The following KIF3A variants were observed in gnomAD, a reference collection of about 807,000 sequenced individuals.
KIF3A encodes the protein kinesin family member 3A.
Under a neutral mutation model 92.6 loss-of-function variants are expected in KIF3A, and 27 were observed. The ratio of observed to expected loss-of-function variants is 0.29; its 90% CI spans 0.21 to 0.40. KIF3A has a LOEUF of 0.40. Ranked by LOEUF, KIF3A falls within the 10% of genes least tolerant of loss-of-function variation. The probability of loss-of-function intolerance (pLI) is 1.00; values close to 1 mark genes in which losing one functional copy is unlikely to be tolerated. For synonymous variants in KIF3A, 250 were observed against 275.4 expected (o/e 0.91, Z 0.92); for missense variants, 581 against 872.6 (o/e 0.67, Z 4.21).
chr5:132,702,491 T>G (rs1435985558), intron 14 of KIF3A, 67 bp downstream of exon 14: 2 of 889,528 alleles, frequency 2.2e-6, no homozygotes, highest in Non-Finnish European at 3.5e-6. Flanking sequence ...TTATAAATTC[T>G]TAATCAAAGA....
downstream of KIF3A, chr5:132,689,460 T>A (rs1203532120): frequency 2.0e-5 from 3 of 152,172 alleles, no homozygotes; most frequent in Non-Finnish European, 4.4e-5. Flanking sequence ...AATAAGACTA[T>A]AAGCAGGTCA....
At chr5:132,690,251 T>C (rs1163081033), downstream of KIF3A, among the ~76,000 whole-genome samples, 1 of 151,692 alleles carries the variant, frequency 6.6e-6, no homozygotes, top group Non-Finnish European at 1.5e-5. Flanking sequence ...ATTATCCAGG[T>C]GTGAGGGCAT....
Position 132,708,946 on chromosome 5 carries a change from A to ATG in KIF3A, c.1259_1260dup (p.Cys421HisfsTer5). The ATG allele has an allele frequency of 6.4e-7, 1 of 1,550,392 alleles. No homozygotes were observed. The highest frequency in any genetic ancestry group is 8.7e-7 in the Non-Finnish European group (1 of 1,146,848). ...TCCAGAGGTTTCTCTATGACAGAAC[A>ATG]TGTGGAGTCTGAACTACTGCTGCTG... On this transcript the variant is annotated frameshift_variant, in exon 10 of 19. Transcript: ENST00000403231. LOFTEE classifies it high-confidence loss of function.
chr5:132,724,848 T>TAC (rs1753982595), intron 4 of KIF3A, among the ~76,000 whole-genome samples: 1 of 26,062 alleles, frequency 3.8e-5, no homozygotes, highest in Admixed American at 4.1e-4. Context: ...TATATATATA[T>TAC]ATATATATTA....
At chr5:132,692,493 C>T (rs149325977), downstream of KIF3A, 5 of 152,356 alleles carry the variant, frequency 3.3e-5, no homozygotes, top group Admixed American at 6.5e-5. Flanking sequence ...CAACATTAAG[C>T]GTTTCTGGGT....
rs1752737820 is a variant in KIF3A, at chr5:132,693,716, T to A, written c.*2918A>T. On this transcript the variant is annotated 3_prime_UTR_variant, in exon 19 of 19. Transcript: ENST00000403231. ...CAGGCTTGAGGCCAGGCGTGGTGGC[T>A]CACACCTGTAATCCCAGCACTTTGG... 1 of 152,514 alleles carries A rather than the reference T, an allele frequency of 6.6e-6. No individual in the cohort carries two copies. Among genetic ancestry groups the A allele is most frequent in the Non-Finnish European group, 1.5e-5 (1 of 68,082 alleles). 9.4% of individuals were successfully genotyped at this position (152,514 alleles called of 1,614,324 possible).
Position 132,694,802 on chromosome 5 carries a change from G to C in KIF3A, c.*1832C>G, listed in dbSNP as rs572415742. ...TCTAAACAATGCCCCACAGAGTTAA[G>C]TAATAAATTTCTAGCTATCTTACAT... On this transcript the variant is annotated 3_prime_UTR_variant, in exon 19 of 19. Coordinates refer to ENST00000403231, the MANE Select transcript of KIF3A (RefSeq NM_001300791.2). 1.0e-4 allele frequency: 16 copies of C among 152,412 alleles called. No individual in the cohort carries two copies. The highest frequency in any genetic ancestry group is 3.9e-4 in the African/African-American group (16 of 41,558). The allele number at this position is 152,412 out of a possible 1,614,324, so 9.4% of individuals were successfully genotyped here.
intron 8 of KIF3A, among the ~76,000 whole-genome samples, chr5:132,714,124 T>C (rs1753530213): frequency 6.6e-6 from 1 of 152,072 alleles, no homozygotes; most frequent in African/African-American, 2.4e-5. Flanking sequence ...CTCGAACTCC[T>C]GACCTCAACT....
At chr5:132,733,532 G>T (rs1316795243) in intron 2 of KIF3A, among the ~76,000 whole-genome samples, 2 of 152,212 alleles carry the variant, frequency 1.3e-5, no homozygotes, top group Non-Finnish European at 2.9e-5. Context: ...GCTTTGAAAG[G>T]CCTCAGTAGG....
At chr5:132,735,894 A>G (rs552920808) in intron 1 of KIF3A, among the ~76,000 whole-genome samples, 1 of 152,226 alleles carries the variant, frequency 6.6e-6, no homozygotes, top group Non-Finnish European at 1.5e-5. Flanking sequence ...TGGCTCATCC[A>G]TGCCACAGCC....
chr5:132,707,374 C>T (rs1223679867), intron 10 of KIF3A, among the ~76,000 whole-genome samples: 4 of 152,112 alleles, frequency 2.6e-5, no homozygotes, highest in African/African-American at 9.7e-5. Context: ...TTCACCAACA[C>T]GCCCACATTA....
intron 12 of KIF3A, 138 bp downstream of exon 12, chr5:132,703,325 T>C (rs2149895758): frequency 1.4e-6 from 1 of 728,036 alleles, no homozygotes; most frequent in South Asian, 2.0e-5. Context: ...CTATATACAA[T>C]GGACCCTTCT....
chr5:132,736,736 A>G (rs1159142389), intron 1 of KIF3A: 2 of 461,514 alleles, frequency 4.3e-6, no homozygotes, highest in Admixed American at 5.1e-5. Context: ...AGACAGATTA[A>G]ATAATTATCC....
intron 2 of KIF3A, among the ~76,000 whole-genome samples, chr5:132,731,722 T>C (rs1367975555): frequency 2.6e-5 from 4 of 152,116 alleles, no homozygotes; most frequent in African/African-American, 9.7e-5. Flanking sequence ...CATTTTTTTT[T>C]TTTTTTGAGA....
chr5:132,709,234 T>G (rs1753331601), intron 9 of KIF3A, among the ~76,000 whole-genome samples: 1 of 152,306 alleles, frequency 6.6e-6, no homozygotes, highest in South Asian at 2.1e-4. Context: ...ATCCTACTGG[T>G]CACCTAAAGC....
intron 6 of KIF3A, 151 bp downstream of exon 6, chr5:132,716,694 T>G: frequency 3.3e-6 from 3 of 913,886 alleles, no homozygotes; most frequent in Non-Finnish European, 5.0e-6. Context: ...TCATATACAT[T>G]TGAAATGTTC....
intron 9 of KIF3A, 115 bp downstream of exon 9, chr5:132,710,844 T>G: frequency 7.2e-7 from 1 of 1,390,928 alleles, no homozygotes; most frequent in Non-Finnish European, 9.8e-7. Flanking sequence ...ATACATCTTC[T>G]GTTCTAATTG....
intron 4 of KIF3A, among the ~76,000 whole-genome samples, chr5:132,721,072 A>C (rs1401848192): frequency 6.6e-6 from 1 of 152,190 alleles, no homozygotes; most frequent in Non-Finnish European, 1.5e-5. Context: ...ATGTGCAAGA[A>C]TCCTGAAATA....
chr5:132,728,912 T>C lies in KIF3A; in HGVS notation c.281-2414A>G, dbSNP rs185943008. ...ACCTAGGCAACACAGTGAGACCCCA[T>C]CTCTACAAAAAATTTTAAAAATTAG... On this transcript the variant is annotated intron_variant, in intron 2 of 18. Coordinates refer to ENST00000403231, the MANE Select transcript of KIF3A (RefSeq NM_001300791.2). 1.7e-3 allele frequency among the ~76,000 whole-genome samples: 265 copies of C among 151,898 alleles called. 3 individuals carry two copies. The highest frequency in any genetic ancestry group is 6.1e-3 in the African/African-American group (253 of 41,340).
Sources: gnomAD v4.1 joint callset for allele counts (sites outside exome capture counted in the v4.1 genomes callset) on GRCh38, gnomAD v4.1.1 for gene constraint, MANE v1.5 for transcripts, NCBI Gene and HGNC (gene_info 2026-07-23, HGNC 2026-07-21) for gene names.